The following KLF17 variants were observed in gnomAD, a reference collection of about 807,000 sequenced individuals.
KLF17 encodes the protein KLF transcription factor 17.
In KLF17, 31 loss-of-function variants were observed where a neutral mutation model predicts 34.2. That is an observed-to-expected ratio of 0.91 (90% CI 0.68 to 1.22). The LOEUF (loss-of-function observed/expected upper bound fraction) is 1.22, where lower values mean the gene tolerates loss of function less well. Among genes scored for constraint, KLF17 ranks in the 50% most tolerant of loss-of-function variants. KLF17 has a pLI of 0.00. For missense variants in KLF17, 478 were observed against 505.2 expected, an observed-to-expected ratio of 0.95 and a Z score of 0.52; for synonymous variants, 179 against 186.7, an observed-to-expected ratio of 0.96 and a Z score of 0.34.
chr1:44,087,140 A>C, the KLF17 span, among the ~76,000 whole-genome samples: 1 of 152,218 alleles, frequency 6.6e-6, no homozygotes, highest in Non-Finnish European at 1.5e-5. Context: ...GCTGATTATG[A>C]TTGAGCATGG....
the KLF17 span, among the ~76,000 whole-genome samples, chr1:44,094,292 G>A: frequency 6.6e-6 from 1 of 152,108 alleles, no homozygotes; most frequent in Non-Finnish European, 1.5e-5. Context: ...CATTCCATGG[G>A]TTGTCTCTTT....
chr1:44,101,844 T>C, the KLF17 span, among the ~76,000 whole-genome samples: 1 of 151,740 alleles, frequency 6.6e-6, no homozygotes, highest in Non-Finnish European at 1.5e-5. Context: ...CTAGGCAATG[T>C]AGTGAAACCG....
At chr1:44,123,694 C>T (rs2087975625) in intron 1 of KLF17, among the ~76,000 whole-genome samples, 1 of 152,004 alleles carries the variant, frequency 6.6e-6, no homozygotes, top group South Asian at 2.1e-4. Context: ...GCATTTAAAC[C>T]AGTAGGTTTT....
the KLF17 span, among the ~76,000 whole-genome samples, chr1:44,048,814 T>G: frequency 6.7e-6 from 1 of 148,458 alleles, no homozygotes; most frequent in Non-Finnish European, 1.5e-5. Context: ...AGTTTGATAA[T>G]GATTAGTTTT....
At chr1:44,082,303 G>A in the KLF17 span, among the ~76,000 whole-genome samples, 1 of 152,204 alleles carries the variant, frequency 6.6e-6, no homozygotes, top group African/African-American at 2.4e-5. Flanking sequence ...AATATCATAA[G>A]GATTAATACA....
the KLF17 span, among the ~76,000 whole-genome samples, chr1:44,054,241 C>T: frequency 6.6e-6 from 1 of 152,114 alleles, no homozygotes; most frequent in Non-Finnish European, 1.5e-5. Flanking sequence ...GCAATGGGGC[C>T]CCCATGAGCC....
intron 1 of KLF17, among the ~76,000 whole-genome samples, chr1:44,127,620 T>TTTTC (rs1364144686): frequency 3.0e-5 from 2 of 67,034 alleles, no homozygotes; most frequent in African/African-American, 1.1e-4. Context: ...CTTTCTTTTC[T>TTTTC]TTTCTTTTCT....
the KLF17 span, among the ~76,000 whole-genome samples, chr1:44,090,191 G>A: frequency 6.7e-6 from 1 of 148,220 alleles, no homozygotes; most frequent in African/African-American, 2.5e-5. Flanking sequence ...TTACTATATG[G>A]CCCTTTTAAG....
the KLF17 span, among the ~76,000 whole-genome samples, chr1:44,094,267 G>A: frequency 6.6e-6 from 1 of 152,048 alleles, no homozygotes; most frequent in Non-Finnish European, 1.5e-5. Flanking sequence ...TGGGTAGTTT[G>A]CAAATATTTT....
At chr1:44,059,356 A>T in the KLF17 span, among the ~76,000 whole-genome samples, 6 of 152,284 alleles carry the variant, frequency 3.9e-5, no homozygotes, top group East Asian at 7.7e-4. Context: ...GGCCCACTGG[A>T]CACCATGTTG....
At chr1:44,089,633 G>A in the KLF17 span, among the ~76,000 whole-genome samples, 2 of 152,164 alleles carry the variant, frequency 1.3e-5, no homozygotes, top group Non-Finnish European at 1.5e-5. Flanking sequence ...GCCACAAAGA[G>A]AGTTGTATTT....
rs147568330 is a variant in KLF17, at chr1:44,118,913, C to G, written c.6C>G (p.Tyr2Ter). Residue 2 changes from tyrosine to a stop codon, truncating the protein, a stop_gained, in exon 1 of 4, where the codon TAC becomes TAG. Transcript: ENST00000372299. LOFTEE classifies it high-confidence loss of function. ...CTAGACCCCACCCAGTCTTCATGTA[C>G]GGCCGACCGCAGGCTGAGATGGAAC... The part of the protein sequence containing the change: M[Y>*]GRPQAEMEQE... 3.7e-6 allele frequency: 6 copies of G among 1,611,266 alleles called. No homozygotes were observed. The highest frequency in any genetic ancestry group is 1.1e-5 in the South Asian group (1 of 90,546).
chr1:44,077,882 A>G, the KLF17 span, among the ~76,000 whole-genome samples: 1 of 152,178 alleles, frequency 6.6e-6, no homozygotes, highest in Non-Finnish European at 1.5e-5. Flanking sequence ...CTTTTGTCTC[A>G]GTGGAGGGAA....
chr1:44,076,194 A>T, the KLF17 span: 1 of 152,246 alleles, frequency 6.6e-6, no homozygotes, highest in African/African-American at 2.4e-5. Flanking sequence ...TCGCAGAGGA[A>T]TAGCTCCATG....
intron 1 of KLF17, among the ~76,000 whole-genome samples, chr1:44,119,972 G>C (rs2087927891): frequency 6.6e-6 from 1 of 152,250 alleles, no homozygotes; most frequent in African/African-American, 2.4e-5. Flanking sequence ...CTGCAGAAGT[G>C]AGAGTGGAGA....
chr1:44,108,598 G>T, the KLF17 span, among the ~76,000 whole-genome samples: 1 of 151,414 alleles, frequency 6.6e-6, no homozygotes, highest in Non-Finnish European at 1.5e-5. Context: ...ATCTCTGCTG[G>T]GTGGCTGGTG....
chr1:44,051,094 G>A, the KLF17 span: 1 of 64,390 alleles, frequency 1.6e-5, no homozygotes, highest in Non-Finnish European at 2.9e-5. Context: ...AGAAAGAAAT[G>A]GCCAGTTGGC....
chr1:44,083,962 A>G, the KLF17 span, among the ~76,000 whole-genome samples: 2 of 152,188 alleles, frequency 1.3e-5, no homozygotes, highest in Non-Finnish European at 2.9e-5. Context: ...GTCTTCATGT[A>G]TATTCAACCT....
chr1:44,067,109 A>G, the KLF17 span, among the ~76,000 whole-genome samples: 1 of 152,138 alleles, frequency 6.6e-6, no homozygotes, highest in Non-Finnish European at 1.5e-5. Flanking sequence ...AAAACAAACA[A>G]TATATAATGT....
Sources: gnomAD v4.1 joint callset for allele counts (sites outside exome capture counted in the v4.1 genomes callset) on GRCh38, gnomAD v4.1.1 for gene constraint, MANE v1.5 for transcripts, NCBI Gene and HGNC (gene_info 2026-07-23, HGNC 2026-07-21) for gene names.